INPP4B: variants seen among roughly 807,000 people sequenced by gnomAD.
INPP4B encodes the protein inositol polyphosphate 4-phosphatase type II.
INPP4B carries 55 observed loss-of-function variants against 122.5 expected under a neutral mutation model. The observed-to-expected ratio is 0.45, with a 90% CI of 0.36 to 0.56. The LOEUF (loss-of-function observed/expected upper bound fraction) is 0.56, where lower values mean the gene tolerates loss of function less well. Among genes scored for constraint, INPP4B ranks in the 20% least tolerant of loss-of-function variants. INPP4B has a pLI of 0.00. For missense variants in INPP4B, 1,000 were observed against 1,097.7 expected, an observed-to-expected ratio of 0.91 and a Z score of 1.26; for synonymous variants, 403 against 388.7, an observed-to-expected ratio of 1.04 and a Z score of -0.43.
chr4:142,254,158 G>A (rs897161063), intron 11 of INPP4B, among the ~76,000 whole-genome samples: 17 of 152,198 alleles, frequency 1.1e-4, no homozygotes, highest in Middle Eastern at 6.8e-3. Flanking sequence ...CTGTTAGAAG[G>A]AAAACTAACA....
chr4:142,477,234 A>G (rs576267897), intron 2 of INPP4B, among the ~76,000 whole-genome samples: 1 of 152,310 alleles, frequency 6.6e-6, no homozygotes, highest in South Asian at 2.1e-4. Context: ...AAATCAAGAA[A>G]TTCTTTGAAA....
At chr4:142,739,362 G>T (rs933040342) in intron 1 of INPP4B, among the ~76,000 whole-genome samples, 24 of 151,922 alleles carry the variant, frequency 1.6e-4, no homozygotes, top group African/African-American at 4.8e-4. Flanking sequence ...TGAGCATATG[G>T]TATCAAGGAA....
At chr4:142,363,489 C>A (rs1024989919) in intron 7 of INPP4B, among the ~76,000 whole-genome samples, 1 of 151,918 alleles carries the variant, frequency 6.6e-6, no homozygotes, top group African/African-American at 2.4e-5. Context: ...TTAAAGACTT[C>A]TCTTACCACT....
At chr4:142,730,019 A>C (rs1765854677) in intron 1 of INPP4B, among the ~76,000 whole-genome samples, 1 of 152,100 alleles carries the variant, frequency 6.6e-6, no homozygotes, top group Non-Finnish European at 1.5e-5. Flanking sequence ...CTCTCTAGAG[A>C]GTCTCCTTGA....
At chr4:142,782,403 T>G (rs1356061620) in intron 1 of INPP4B, among the ~76,000 whole-genome samples, 6 of 151,172 alleles carry the variant, frequency 4.0e-5, no homozygotes, top group Non-Finnish European at 8.9e-5. Flanking sequence ...TTGGGTTGGT[T>G]CCAAGTCTTT....
chr4:142,610,509 A>G (rs1258800395), intron 2 of INPP4B, among the ~76,000 whole-genome samples: 2 of 152,214 alleles, frequency 1.3e-5, no homozygotes. Flanking sequence ...AAGAGGATAA[A>G]TAAATAAGAC....
chr4:142,341,219 T>C (rs191203111), intron 7 of INPP4B, among the ~76,000 whole-genome samples: 1 of 152,344 alleles, frequency 6.6e-6, no homozygotes, highest in East Asian at 1.9e-4. Flanking sequence ...GATGTCTAAT[T>C]TGACATTATG....
intron 7 of INPP4B, among the ~76,000 whole-genome samples, chr4:142,396,955 A>G (rs911858482): frequency 2.0e-5 from 3 of 152,202 alleles, no homozygotes; most frequent in African/African-American, 7.2e-5. Context: ...TGGAGAAAGA[A>G]GGGAACTTTC....
At chr4:142,475,285 A>AAAC (rs1458989521) in intron 2 of INPP4B, among the ~76,000 whole-genome samples, 2 of 151,120 alleles carry the variant, frequency 1.3e-5, no homozygotes, top group East Asian at 1.9e-4. Flanking sequence ...GCAAATAAAC[A>AAAC]AAAAACCCCC....
chr4:142,642,734 T>A (rs1321618061), intron 2 of INPP4B, among the ~76,000 whole-genome samples: 2 of 152,196 alleles, frequency 1.3e-5, no homozygotes. Flanking sequence ...TGGCTTAGGA[T>A]TGACTTGGTG....
intron 7 of INPP4B, among the ~76,000 whole-genome samples, chr4:142,350,345 A>C (rs1196054741): frequency 6.6e-6 from 1 of 151,966 alleles, no homozygotes; most frequent in Non-Finnish European, 1.5e-5. Flanking sequence ...ATTTAAAGAT[A>C]AGTCAGAGTG....
At chr4:142,349,231 C>A (rs978228225) in intron 7 of INPP4B, among the ~76,000 whole-genome samples, 17 of 152,098 alleles carry the variant, frequency 1.1e-4, no homozygotes, top group African/African-American at 4.1e-4. Context: ...TCATTGTCAG[C>A]ATACTTCTTT....
At chr4:142,578,169 T>C (rs138984849) in intron 2 of INPP4B, among the ~76,000 whole-genome samples, 144 of 152,108 alleles carry the variant, frequency 9.5e-4, no homozygotes, top group South Asian at 1.7e-3. Flanking sequence ...AAATTGAAGA[T>C]GTGAGGGCAT....
chr4:142,454,636 A>G (rs145963997), intron 3 of INPP4B, among the ~76,000 whole-genome samples: 2 of 152,236 alleles, frequency 1.3e-5, no homozygotes, highest in African/African-American at 2.4e-5. Flanking sequence ...AGAGAGGTAC[A>G]GCAAAGTGGT....
intron 14 of INPP4B, among the ~76,000 whole-genome samples, chr4:142,198,767 C>T (rs1381975954): frequency 6.6e-6 from 1 of 152,042 alleles, no homozygotes; most frequent in Non-Finnish European, 1.5e-5. Context: ...AAATATTCTA[C>T]ATATTCTGTT....
intron 11 of INPP4B, among the ~76,000 whole-genome samples, chr4:142,243,063 T>C (rs1392041310): frequency 1.3e-5 from 2 of 152,076 alleles, no homozygotes; most frequent in African/African-American, 4.8e-5. Flanking sequence ...TTGTGGAAAT[T>C]GAGAGGGGAA....
At chr4:142,029,429 A>G in intron 25 of INPP4B, 1 of 986,090 alleles carries the variant, frequency 1.0e-6, no homozygotes, top group South Asian at 4.7e-5. Flanking sequence ...GCCTGGGCCA[A>G]GTCTCAGCTT....
chr4:142,619,344 T>C (rs114676557), intron 2 of INPP4B, among the ~76,000 whole-genome samples: 2,060 of 152,120 alleles, frequency 0.014, 36 homozygotes, highest in African/African-American at 0.039. Flanking sequence ...CCTACATGTC[T>C]ACTGACAGAT....
chr4:142,320,792 A>G (rs779347228), intron 7 of INPP4B, among the ~76,000 whole-genome samples: 4 of 152,108 alleles, frequency 2.6e-5, no homozygotes, highest in Non-Finnish European at 4.4e-5. Flanking sequence ...AATGGTCTGC[A>G]CCTCCATCCA....
Sources: gnomAD v4.1 joint callset for allele counts (sites outside exome capture counted in the v4.1 genomes callset) on GRCh38, gnomAD v4.1.1 for gene constraint, MANE v1.5 for transcripts, NCBI Gene and HGNC (gene_info 2026-07-23, HGNC 2026-07-21) for gene names.